SLC49A4: variants seen among roughly 807,000 people sequenced by gnomAD.
SLC49A4 encodes the protein solute carrier family 49 member 4.
In SLC49A4, 36 loss-of-function variants were observed where a neutral mutation model predicts 50.6. That is an observed-to-expected ratio of 0.71 (90% confidence interval 0.55 to 0.94). The LOEUF (loss-of-function observed/expected upper bound fraction) is 0.94. SLC49A4 is among the 40% of genes least tolerant of loss of function. The probability of loss-of-function intolerance (pLI) is 0.00; values close to 1 mark genes in which losing one functional copy is unlikely to be tolerated. For synonymous variants in SLC49A4, 248 were observed against 241.2 expected, an observed-to-expected ratio of 1.03 and a Z score of -0.26; for missense variants, 503 against 605.7, an observed-to-expected ratio of 0.83 and a Z score of 1.78.
intron 7 of SLC49A4, among the ~76,000 whole-genome samples, chr3:122,869,184 GAA>G (rs1216102722): frequency 6.6e-6 from 1 of 151,900 alleles, no homozygotes; most frequent in Admixed American, 6.6e-5. Context: ...TCAAGTAGTA[GAA>G]AAAGAGTATA....
At position 122,860,002 on chromosome 3, in the gene SLC49A4, A is replaced by C. The variant is rs563760145; in HGVS notation, c.1011-73A>C. The C allele has an allele frequency of 5.7e-6, 7 of 1,227,202 alleles. 1 individual carries two copies. In the South Asian group the frequency reaches 1.6e-4, roughly 29 times the overall value. The allele number at this position is 1,227,202 out of a possible 1,614,324, so 76.0% of individuals were successfully genotyped here. On this transcript the variant is annotated intron_variant, in intron 6 of 8. Transcript: ENST00000261038. The stretch of plus-strand genomic sequence containing the variant: ...ATGGAAAATTCCTCAAGTAGTTGTT[A>C]GTGAAAGTGTGTCATTTGCTTAAAT...
At chr3:122,851,626 T>C (rs142895403) in intron 5 of SLC49A4, among the ~76,000 whole-genome samples, 1 of 152,286 alleles carries the variant, frequency 6.6e-6, no homozygotes, top group Non-Finnish European at 1.5e-5. Flanking sequence ...TTTCTAAATT[T>C]ATTCTACTTG....
At chr3:122,816,355 G>T (rs1332987399) in intron 2 of SLC49A4, among the ~76,000 whole-genome samples, 2 of 151,914 alleles carry the variant, frequency 1.3e-5, no homozygotes, top group African/African-American at 4.8e-5. Context: ...TATCTCTCTT[G>T]TGCCATCCTA....
chr3:122,814,507 G>A (rs1050421451), intron 2 of SLC49A4, among the ~76,000 whole-genome samples: 1 of 152,134 alleles, frequency 6.6e-6, no homozygotes, highest in African/African-American at 2.4e-5. Context: ...AACAATTGTT[G>A]ATTCTCAGAT....
At chr3:122,816,549 A>C (rs538331826) in intron 2 of SLC49A4, among the ~76,000 whole-genome samples, 1 of 152,180 alleles carries the variant, frequency 6.6e-6, no homozygotes, top group Non-Finnish European at 1.5e-5. Context: ...TTCTTGAGCT[A>C]ATTTCTCAAT....
At chr3:122,838,862 A>C (rs1404720211) in intron 4 of SLC49A4, among the ~76,000 whole-genome samples, 1 of 152,056 alleles carries the variant, frequency 6.6e-6, no homozygotes, top group East Asian at 1.9e-4. Flanking sequence ...TAGCAACATC[A>C]TTTTTCATAG....
intron 5 of SLC49A4, among the ~76,000 whole-genome samples, chr3:122,853,532 G>A (rs1216914338): frequency 6.6e-6 from 1 of 152,188 alleles, no homozygotes; most frequent in Non-Finnish European, 1.5e-5. Context: ...GGTGAGGCAG[G>A]TGGATCACTT....
At chr3:122,815,559 T>G (rs904418399) in intron 2 of SLC49A4, among the ~76,000 whole-genome samples, 2 of 151,858 alleles carry the variant, frequency 1.3e-5, no homozygotes, top group African/African-American at 4.8e-5. Flanking sequence ...CAGTTAGGAG[T>G]CTCTGCTGTC....
chr3:122,859,949 C>A, intron 6 of SLC49A4, 126 bp from the exon 7 acceptor site: 4 of 891,300 alleles, frequency 4.5e-6, no homozygotes, highest in South Asian at 2.8e-5. Context: ...TTTAAAAAAA[C>A]ACTGAAAACT....
intron 2 of SLC49A4, among the ~76,000 whole-genome samples, chr3:122,814,677 C>A (rs1485824782): frequency 1.3e-5 from 2 of 152,164 alleles, no homozygotes; most frequent in African/African-American, 2.4e-5. Flanking sequence ...ACAAGCTTGT[C>A]CAATCTGTGG....
chr3:122,866,385 G>T (rs1937120731), intron 7 of SLC49A4, among the ~76,000 whole-genome samples: 1 of 151,996 alleles, frequency 6.6e-6, no homozygotes, highest in African/African-American at 2.4e-5. Context: ...CTCCCTACAT[G>T]TATTTAAATT....
At chr3:122,847,838 G>A (rs538653267) in intron 5 of SLC49A4, among the ~76,000 whole-genome samples, 4 of 152,296 alleles carry the variant, frequency 2.6e-5, no homozygotes, top group Admixed American at 6.5e-5. Context: ...GCAGAAAAGA[G>A]AAAGATAAAT....
At chr3:122,850,826 T>C (rs1172754601) in intron 5 of SLC49A4, among the ~76,000 whole-genome samples, 3 of 152,206 alleles carry the variant, frequency 2.0e-5, no homozygotes, top group Non-Finnish European at 4.4e-5. Context: ...TGCATTTATA[T>C]TTAATACAAT....
intron 4 of SLC49A4, among the ~76,000 whole-genome samples, chr3:122,837,833 A>G (rs1013143299): frequency 3.9e-5 from 6 of 152,222 alleles, no homozygotes; most frequent in African/African-American, 1.2e-4. Flanking sequence ...GCTAATATCC[A>G]GAATCTACAA....
intron 5 of SLC49A4, among the ~76,000 whole-genome samples, chr3:122,848,512 A>T (rs11711857): frequency 0.2 from 30,065 of 152,034 alleles, 3,327 homozygotes; most frequent in East Asian, 0.34. Context: ...GAGTTTTCTG[A>T]ACCATGATCA....
At chr3:122,858,349 G>A (rs1937014895) in intron 6 of SLC49A4, among the ~76,000 whole-genome samples, 1 of 152,092 alleles carries the variant, frequency 6.6e-6, no homozygotes, top group African/African-American at 2.4e-5. Context: ...TGTCATCTCT[G>A]TATCTGACAA....
chr3:122,875,595 AC>A (rs1466859183), intron 8 of SLC49A4, among the ~76,000 whole-genome samples: 1 of 151,918 alleles, frequency 6.6e-6, no homozygotes, highest in Admixed American at 6.6e-5. Context: ...CAAGCAATCC[AC>A]CTGCCTTGGC....
chr3:122,866,312 G>T (rs1336088965), intron 7 of SLC49A4, among the ~76,000 whole-genome samples: 1 of 151,888 alleles, frequency 6.6e-6, no homozygotes, highest in Non-Finnish European at 1.5e-5. Context: ...AAAATGTTGG[G>T]ATTGCAGATG....
rs201899605 is a variant in SLC49A4, at chr3:122,854,774, T to A, written c.943-1533T>A. ...AAATCGTTTGGTGGACAGCTGGCAA[T>A]CCCTGTCACAAGTGTAATGAAAAAT... On this transcript the variant is annotated intron_variant, in intron 5 of 8. Transcript: ENST00000261038. Among the ~76,000 whole-genome samples the A allele has an allele frequency of 2.0e-5, 3 of 152,182 alleles. No individual in the cohort carries two copies. The East Asian group carries it at 5.8e-4, about 29-fold the overall frequency.
Sources: gnomAD v4.1 joint callset for allele counts (sites outside exome capture counted in the v4.1 genomes callset) on GRCh38, gnomAD v4.1.1 for gene constraint, MANE v1.5 for transcripts, NCBI Gene and HGNC (gene_info 2026-07-23, HGNC 2026-07-21) for gene names.